Variants in SNX29 observed in about 807,000 individuals in gnomAD.
SNX29 encodes sorting nexin 29, also known as sorting nexin-29.
A neutral mutation model predicts 102.1 loss-of-function variants in SNX29; 78 were observed. The observed-to-expected ratio is 0.76, with a 90% confidence interval of 0.64 to 0.92. The LOEUF (loss-of-function observed/expected upper bound fraction) is 0.92. Ranked by LOEUF, SNX29 falls within the 40% of genes least tolerant of loss-of-function variation. SNX29 has a pLI of 0.00. For synonymous variants in SNX29, 580 were observed against 414.5 expected, an observed-to-expected ratio of 1.40 and a Z score of -4.85; for missense variants, 1,280 against 1,061.7, an observed-to-expected ratio of 1.21 and a Z score of -2.86.
intron 1 of SNX29, among the ~76,000 whole-genome samples, chr16:11,983,929 AC>A (rs1287924625): frequency 6.6e-6 from 1 of 152,176 alleles, no homozygotes; most frequent in East Asian, 1.9e-4. Flanking sequence ...AAAAAAACTT[AC>A]TTGGATGTAT....
chr16:12,526,617 C>T (rs538725051), intron 20 of SNX29: 87 of 533,284 alleles, frequency 1.6e-4, no homozygotes, highest in African/African-American at 6.7e-4. Flanking sequence ...CTCTTAGCGG[C>T]ATCCCCATGG....
chr16:12,020,626 A>ATT (rs764756318), intron 3 of SNX29, among the ~76,000 whole-genome samples: 9 of 140,598 alleles, frequency 6.4e-5, no homozygotes, highest in African/African-American at 1.8e-4. Flanking sequence ...CTCATGGCTC[A>ATT]TTTTTTTTTT....
At chr16:12,514,682 T>C (rs1447201452) in intron 19 of SNX29, among the ~76,000 whole-genome samples, 2 of 152,024 alleles carry the variant, frequency 1.3e-5, no homozygotes, top group African/African-American at 4.8e-5. Context: ...CTGGCCAACA[T>C]GGTGAAACCC....
intron 14 of SNX29, among the ~76,000 whole-genome samples, chr16:12,267,940 C>G (rs553965049): frequency 3.3e-5 from 5 of 152,194 alleles, no homozygotes; most frequent in Non-Finnish European, 5.9e-5. Context: ...ATGTCTCCCT[C>G]CTCCATTATC....
intron 11 of SNX29, among the ~76,000 whole-genome samples, chr16:12,109,426 T>G (rs915003894): frequency 6.6e-6 from 1 of 152,170 alleles, no homozygotes; most frequent in African/African-American, 2.4e-5. Flanking sequence ...AATACACTCA[T>G]GATTGCCAAG....
chr16:12,161,525 C>T (rs1008092650), intron 13 of SNX29, among the ~76,000 whole-genome samples: 1 of 152,190 alleles, frequency 6.6e-6, no homozygotes, highest in Non-Finnish European at 1.5e-5. Context: ...ACCCTTCAGG[C>T]CTGAAGGAGC....
intron 18 of SNX29, among the ~76,000 whole-genome samples, chr16:12,409,216 G>A (rs1196123274): frequency 6.6e-6 from 1 of 152,172 alleles, no homozygotes; most frequent in Non-Finnish European, 1.5e-5. Context: ...AAATAAAATG[G>A]AAAACAAAAT....
chr16:12,097,100 TGAG>T (rs768445946), intron 11 of SNX29, among the ~76,000 whole-genome samples: 21 of 152,290 alleles, frequency 1.4e-4, no homozygotes, highest in Non-Finnish European at 2.8e-4. Flanking sequence ...GGGATGGGCT[TGAG>T]GAGCTGTTGT....
intron 3 of SNX29, among the ~76,000 whole-genome samples, chr16:12,023,834 C>G (rs1469505146): frequency 6.6e-6 from 1 of 152,146 alleles, no homozygotes; most frequent in Non-Finnish European, 1.5e-5. Context: ...ACTTGATTCA[C>G]TAGTTTTAAC....
intron 16 of SNX29, among the ~76,000 whole-genome samples, chr16:12,363,125 G>A (rs1188295004): frequency 2.0e-5 from 3 of 152,226 alleles, no homozygotes; most frequent in African/African-American, 4.8e-5. Flanking sequence ...AAGTAAAACG[G>A]TCACTAAGGG....
intron 13 of SNX29, among the ~76,000 whole-genome samples, chr16:12,170,053 C>T (rs759948667): frequency 2.6e-5 from 4 of 152,066 alleles, no homozygotes; most frequent in African/African-American, 9.7e-5. Context: ...GCTGGATAAT[C>T]CTTTGTAGTG....
chr16:12,097,708 C>A (rs146194637), intron 11 of SNX29, among the ~76,000 whole-genome samples: 1 of 152,140 alleles, frequency 6.6e-6, no homozygotes, highest in African/African-American at 2.4e-5. Context: ...GGTTTCTAGC[C>A]GGCTATCTCA....
At chr16:12,558,334 G>A (rs1173198836) in intron 20 of SNX29, among the ~76,000 whole-genome samples, 1 of 149,576 alleles carries the variant, frequency 6.7e-6, no homozygotes, top group Non-Finnish European at 1.5e-5. Context: ...TCAACAAAGA[G>A]ACAAAGAGGC....
At chr16:12,470,725 A>C (rs1482490900) in intron 18 of SNX29, among the ~76,000 whole-genome samples, 1 of 152,208 alleles carries the variant, frequency 6.6e-6, no homozygotes, top group Middle Eastern at 3.2e-3. Flanking sequence ...TTGACAATTA[A>C]TTAGCCATGG....
At chr16:12,514,675 G>T (rs2089783123) in intron 19 of SNX29, among the ~76,000 whole-genome samples, 1 of 152,132 alleles carries the variant, frequency 6.6e-6, no homozygotes, top group African/African-American at 2.4e-5. Context: ...GACCAGCCTG[G>T]CCAACATGGT....
At chr16:12,435,626 G>T (rs1008606696) in intron 18 of SNX29, among the ~76,000 whole-genome samples, 2 of 152,202 alleles carry the variant, frequency 1.3e-5, no homozygotes, top group Non-Finnish European at 2.9e-5. Context: ...GTTTAGATAT[G>T]TATTTCCTCC....
At chr16:12,175,647 G>A (rs567284662) in intron 13 of SNX29, among the ~76,000 whole-genome samples, 28 of 137,994 alleles carry the variant, frequency 2.0e-4, no homozygotes, top group South Asian at 2.4e-4. Context: ...GCAAGACTCC[G>A]TCTCAAAAAA....
intron 14 of SNX29, among the ~76,000 whole-genome samples, chr16:12,272,331 A>T (rs993296933): frequency 6.6e-6 from 1 of 152,216 alleles, no homozygotes; most frequent in Non-Finnish European, 1.5e-5. Context: ...TGTGATGAGC[A>T]GGACCTCCTT....
In SNX29 at chr16:12,569,745, C is replaced by G. The variant is rs891164957; in HGVS notation, c.*1116C>G. On this transcript the variant is annotated 3_prime_UTR_variant, in exon 21 of 21. Coordinates refer to ENST00000566228, the MANE Select transcript of SNX29 (RefSeq NM_032167.5). Reference sequence around the variant, plus strand: ...AGCTGGGCAGCCCCCAGGGCTCCTCCTCCAGTGAGCTCACATCAGAGCACC... The same window carrying G: ...AGCTGGGCAGCCCCCAGGGCTCCTCGTCCAGTGAGCTCACATCAGAGCACC... 8.7e-6 allele frequency: 2 copies of G among 230,572 alleles called. No individual in the cohort carries two copies. The highest frequency in any genetic ancestry group is 4.4e-5 in the African/African-American group (2 of 45,192). 14.3% of individuals were successfully genotyped at this position (230,572 alleles called of 1,614,324 possible).
Sources: gnomAD v4.1 joint callset for allele counts (sites outside exome capture counted in the v4.1 genomes callset) on GRCh38, gnomAD v4.1.1 for gene constraint, MANE v1.5 for transcripts, NCBI Gene and HGNC (gene_info 2026-07-23, HGNC 2026-07-21) for gene names.